Variants in GPATCH2 observed in about 807,000 individuals in gnomAD.
GPATCH2 encodes G-patch domain containing 2, also known as G patch domain-containing protein 2.
In GPATCH2, 51 loss-of-function variants were observed where a neutral mutation model predicts 58.0. The ratio of observed to expected loss-of-function variants is 0.88; its 90% CI spans 0.70 to 1.11. GPATCH2 has a LOEUF of 1.11. Among genes scored for constraint, GPATCH2 ranks in the 50% most tolerant of loss-of-function variants. The pLI is 0.00. For synonymous variants in GPATCH2, 222 were observed against 218.5 expected, an observed-to-expected ratio of 1.02 and a Z score of -0.14; for missense variants, 625 against 652.2, an observed-to-expected ratio of 0.96 and a Z score of 0.45.
chr1:217,620,206 G>A lies in GPATCH2; in HGVS notation c.350C>T (p.Ser117Phe). The A allele has an allele frequency of 6.2e-7, 1 of 1,613,900 alleles. No individual in the cohort carries two copies. Among genetic ancestry groups the A allele is most frequent in the Non-Finnish European group, 8.5e-7 (1 of 1,179,860 alleles). The stretch of plus-strand genomic sequence containing the variant: ...CTTTGCTACTAACATTTGGTCATCA[G>A]AGTCACTGTGATCTTTTTTATTATT... ...HNNNKKDHSD[S>F]DDQMLVAKRR... The change falls in exon 2 of 10, where the codon TCT (serine) becomes TTT (phenylalanine). Residue 117 changes from serine (S) to phenylalanine (F), a missense_variant. Physicochemically the swap from Ser to Phe is radical, Grantham distance 155. Transcript: ENST00000366935.
chr1:217,589,244 C>T (rs1310306142), intron 5 of GPATCH2, among the ~76,000 whole-genome samples: 6 of 152,204 alleles, frequency 3.9e-5, no homozygotes, highest in Admixed American at 6.5e-5. Flanking sequence ...AGGCAGACCA[C>T]GGCCCGCCCA....
At chr1:217,530,681 A>T (rs1664142808) in intron 5 of GPATCH2, among the ~76,000 whole-genome samples, 1 of 152,212 alleles carries the variant, frequency 6.6e-6, no homozygotes, top group Non-Finnish European at 1.5e-5. Flanking sequence ...ATTGTATCAG[A>T]AGTGCAGATA....
intron 6 of GPATCH2, among the ~76,000 whole-genome samples, chr1:217,512,938 C>T (rs574102292): frequency 3.3e-5 from 5 of 152,268 alleles, no homozygotes; most frequent in East Asian, 1.9e-4. Flanking sequence ...TGGATATATG[C>T]GTTGTGGCAT....
Position 217,620,083 on chromosome 1 carries a change from A to C in GPATCH2, c.473T>G (p.Leu158Arg), listed in dbSNP as rs781269814. Residue 158 changes from leucine (L) to arginine (R), a missense_variant, in exon 2 of 10, where the codon CTG becomes CGG. Leu to Arg is a moderately radical substitution (Grantham distance 102). Transcript: ENST00000366935. ...GCGTTTTACCTTTCTCCTCCTGCGC[A>C]GAGTTCTATTCCCAACATTGTCCAC... ...FAVDNVGNRT[L>R]RRRRKVKRMA... The C allele has an allele frequency of 6.2e-7, 1 of 1,614,066 alleles. No homozygotes were observed. Among genetic ancestry groups the C allele is most frequent in the South Asian group, 1.1e-5 (1 of 91,082 alleles).
chr1:217,450,344 A>G (rs1223974351), intron 8 of GPATCH2, among the ~76,000 whole-genome samples: 1 of 152,146 alleles, frequency 6.6e-6, no homozygotes, highest in Non-Finnish European at 1.5e-5. Flanking sequence ...GGAAGAAAAA[A>G]AGGGAAAAAT....
intron 5 of GPATCH2, among the ~76,000 whole-genome samples, chr1:217,519,155 AAAGG>A (rs1663325190): frequency 6.6e-6 from 1 of 152,246 alleles, no homozygotes; most frequent in African/African-American, 2.4e-5. Context: ...ACAGAAGAAT[AAAGG>A]AAGATTCTTC....
At chr1:217,592,704 T>A (rs982711886) in intron 5 of GPATCH2, among the ~76,000 whole-genome samples, 1 of 151,920 alleles carries the variant, frequency 6.6e-6, no homozygotes, top group Non-Finnish European at 1.5e-5. Flanking sequence ...AACATGTATA[T>A]TTAGAGATTA....
intron 5 of GPATCH2, among the ~76,000 whole-genome samples, chr1:217,548,345 G>A (rs530993940): frequency 6.6e-5 from 10 of 152,114 alleles, no homozygotes; most frequent in South Asian, 2.1e-4. Flanking sequence ...TAATCTATAC[G>A]ACAATATTCA....
intron 5 of GPATCH2, among the ~76,000 whole-genome samples, chr1:217,516,076 C>A (rs1663129464): frequency 6.6e-6 from 1 of 151,414 alleles, no homozygotes; most frequent in Non-Finnish European, 1.5e-5. Flanking sequence ...CTAAAGTAAG[C>A]TACTCCTTTT....
intron 9 of GPATCH2, among the ~76,000 whole-genome samples, chr1:217,445,306 T>C (rs982300428): frequency 1.3e-5 from 2 of 152,114 alleles, no homozygotes; most frequent in African/African-American, 4.8e-5. Context: ...GTGGACAAAA[T>C]TTTTTAAAAA....
intron 8 of GPATCH2, among the ~76,000 whole-genome samples, chr1:217,455,982 G>A (rs1659924251): frequency 6.6e-6 from 1 of 151,892 alleles, no homozygotes; most frequent in Non-Finnish European, 1.5e-5. Context: ...GCTGCTGGAC[G>A]GCCAAATTCC....
Position 217,498,108 on chromosome 1 carries a change from A to G in GPATCH2, c.1206+248T>C, listed in dbSNP as rs1410957730. 6.8e-6 allele frequency: 4 copies of G among 586,980 alleles called. No homozygotes were observed. In the East Asian group the frequency reaches 1.1e-4, roughly 17 times the overall value. 36.4% of individuals were successfully genotyped at this position (586,980 alleles called of 1,614,324 possible). On this transcript the variant is annotated intron_variant, in intron 7 of 9. Transcript: ENST00000366935. ...GAGGTCCTACAAATGAGTGAGTTTC[A>G]GAGTCTTTCCATGGAGGTCACAAGT...
At chr1:217,620,596 T>TTAA (rs111668135) in intron 1 of GPATCH2, 97 bp from the exon 2 acceptor site, 154,084 of 707,956 alleles carry the variant, frequency 0.22, 18,397 homozygotes, top group African/African-American at 0.32. Context: ...TCGACAAAAA[T>TTAA]TAATGATTAC....
At chr1:217,627,400 A>G (rs186600699) in intron 1 of GPATCH2, among the ~76,000 whole-genome samples, 5 of 152,246 alleles carry the variant, frequency 3.3e-5, no homozygotes, top group African/African-American at 9.6e-5. Flanking sequence ...ATTGCTGCAT[A>G]CAATTTCAGT....
intron 5 of GPATCH2, among the ~76,000 whole-genome samples, chr1:217,546,700 CATG>C: frequency 6.6e-6 from 1 of 152,330 alleles, no homozygotes; most frequent in South Asian, 2.1e-4. Flanking sequence ...GGGCAGACTT[CATG>C]ATGAAGATGC....
chr1:217,508,934 T>C (rs1425725417), intron 6 of GPATCH2, among the ~76,000 whole-genome samples: 1 of 152,218 alleles, frequency 6.6e-6, no homozygotes, highest in Non-Finnish European at 1.5e-5. Flanking sequence ...TTCAAGGAAA[T>C]AATTACTAGA....
At chr1:217,444,599 TTTA>T (rs1263327158) in intron 9 of GPATCH2, among the ~76,000 whole-genome samples, 1 of 152,212 alleles carries the variant, frequency 6.6e-6, no homozygotes, top group Non-Finnish European at 1.5e-5. Context: ...TGGAAAACTG[TTTA>T]TTAAGATTCT....
intron 5 of GPATCH2, among the ~76,000 whole-genome samples, chr1:217,550,498 C>T (rs925142030): frequency 5.3e-5 from 8 of 151,610 alleles, no homozygotes; most frequent in Non-Finnish European, 7.4e-5. Context: ...TAAATACAAA[C>T]GGAAATTATG....
chr1:217,487,718 C>A (rs1661521871), intron 8 of GPATCH2, among the ~76,000 whole-genome samples: 1 of 152,054 alleles, frequency 6.6e-6, no homozygotes. Context: ...AGCCACTGCA[C>A]CCGGCCAGAA....
Sources: allele counts gnomAD v4.1 joint callset (sites outside exome capture counted in the v4.1 genomes callset), GRCh38; gene constraint gnomAD v4.1.1; transcripts MANE v1.5; gene names NCBI Gene and HGNC (gene_info 2026-07-23, HGNC 2026-07-21).